Variants in OARD1 observed in about 807,000 individuals in gnomAD.
The protein encoded by OARD1 is O-acyl-ADP-ribose deacylase 1, also known as ADP-ribose glycohydrolase OARD1.
Under a neutral mutation model 19.7 loss-of-function variants are expected in OARD1, and 19 were observed. That is an observed-to-expected ratio of 0.96 (90% confidence interval 0.67 to 1.41). The LOEUF (loss-of-function observed/expected upper bound fraction) is 1.41, where lower values mean the gene tolerates loss of function less well. Among genes scored for constraint, OARD1 ranks in the 40% most tolerant of loss-of-function variants. The probability of loss-of-function intolerance (pLI) is 0.00; values close to 1 mark genes in which losing one functional copy is unlikely to be tolerated. For synonymous variants in OARD1, 70 were observed against 61.8 expected, an observed-to-expected ratio of 1.13 and a Z score of -0.62; for missense variants, 190 against 183.8, an observed-to-expected ratio of 1.03 and a Z score of -0.20.
chr6:41,070,960 G>A lies in OARD1; in HGVS notation c.184+172C>T, dbSNP rs1046777732. The A allele has an allele frequency of 2.6e-5, 17 of 657,978 alleles. No individual in the cohort carries two copies. The African/African-American group carries it at 2.7e-4, about 11-fold the overall frequency. 40.8% of individuals were successfully genotyped at this position (657,978 alleles called of 1,614,324 possible). On this transcript the variant is annotated intron_variant, in intron 3 of 5. Coordinates refer to ENST00000424266, the MANE Select transcript of OARD1 (RefSeq NM_001329686.2). Reference sequence around the variant, plus strand: ...GAAGAGATTAAAAACCTTCACAGGAGTTGGGTTTTGATATGGTAAACGTCT... The same window carrying A: ...GAAGAGATTAAAAACCTTCACAGGAATTGGGTTTTGATATGGTAAACGTCT...
At position 41,081,903 on chromosome 6, in the gene OARD1, G is replaced by GGCTAA. The variant is rs546011250; in HGVS notation, c.-41-10233_-41-10229dup. 4.0e-3 allele frequency among the ~76,000 whole-genome samples: 611 copies of GGCTAA among 152,308 alleles called. 11 individuals are homozygous for GGCTAA. In the South Asian group the frequency reaches 0.061, roughly 15 times the overall value. On this transcript the variant is annotated intron_variant, in intron 1 of 4. Coordinates refer to the OARD1 transcript ENST00000480585. Reference sequence around the variant, plus strand: ...AATACAGTTCTTTAGCATCGTGTATGGCTAAGTATCCTAAATTGGGTTCTA... The same window carrying GGCTAA: ...AATACAGTTCTTTAGCATCGTGTATGGCTAAGCTAAGTATCCTAAATTGGGTTCTA...
At chr6:41,079,172 A>G in intron 1 of OARD1, 1 of 1,613,932 alleles carries the variant, frequency 6.2e-7, no homozygotes, top group Non-Finnish European at 8.5e-7. Flanking sequence ...CAGGTATGGA[A>G]GCAAAACTGC....
chr6:41,078,699 T>C (rs1223636309), intron 1 of OARD1, among the ~76,000 whole-genome samples: 4 of 152,244 alleles, frequency 2.6e-5, no homozygotes, highest in Admixed American at 6.5e-5. Context: ...CTAAAGTATA[T>C]GTGCAAACCT....
At chr6:41,090,391 G>GT in intron 1 of OARD1, 1 of 759,942 alleles carries the variant, frequency 1.3e-6, no homozygotes, top group Non-Finnish European at 2.3e-6. Flanking sequence ...TAGAATTTGA[G>GT]TGGTGAACTT....
intron 1 of OARD1, chr6:41,090,061 G>A: frequency 1.7e-6 from 1 of 575,902 alleles, no homozygotes; most frequent in Non-Finnish European, 3.1e-6. Flanking sequence ...AGTGAGCTGA[G>A]ATTGCGCCAC....
chr6:41,086,251 TG>T (rs1375193780), intron 1 of OARD1, among the ~76,000 whole-genome samples: 1 of 152,184 alleles, frequency 6.6e-6, no homozygotes, highest in Non-Finnish European at 1.5e-5. Flanking sequence ...ATTCTGATCT[TG>T]GCCAAGTTAT....
At chr6:41,078,336 C>T (rs1318694285) in intron 1 of OARD1, among the ~76,000 whole-genome samples, 1 of 152,162 alleles carries the variant, frequency 6.6e-6, no homozygotes, top group Non-Finnish European at 1.5e-5. Flanking sequence ...TAATGAGCAG[C>T]TCAGTTAGGT....
chr6:41,084,262 T>G, intron 1 of OARD1: 1 of 1,522,430 alleles, frequency 6.6e-7, no homozygotes, highest in South Asian at 1.3e-5. Context: ...TATTACAACC[T>G]ATTTGATAAT....
intron 1 of OARD1, among the ~76,000 whole-genome samples, chr6:41,093,767 G>A (rs1202872060): frequency 7.2e-5 from 11 of 152,286 alleles, no homozygotes; most frequent in South Asian, 2.1e-4. Context: ...CACCATACCC[G>A]GCCAGGTACC....
At chr6:41,069,866 G>A (rs1763232632) in intron 4 of OARD1, 2 of 625,224 alleles carry the variant, frequency 3.2e-6, no homozygotes, top group African/African-American at 1.9e-5. Flanking sequence ...GAGCTGGGAT[G>A]CAGCCTCACA....
chr6:41,075,290 T>G (rs1195432864), upstream of OARD1: 1 of 152,226 alleles, frequency 6.6e-6, no homozygotes, highest in Non-Finnish European at 1.5e-5. Context: ...GCTCAAGCCA[T>G]CCTCCCTTCT....
intron 5 of OARD1, among the ~76,000 whole-genome samples, chr6:41,067,711 T>C (rs373106367): frequency 5.3e-5 from 8 of 152,330 alleles, no homozygotes; most frequent in African/African-American, 9.6e-5. Context: ...TGTGTAACTG[T>C]CATGACATTA....
chr6:41,083,993 A>C (rs996264936), intron 1 of OARD1: 11 of 1,506,456 alleles, frequency 7.3e-6, no homozygotes, highest in Non-Finnish European at 9.8e-6. Flanking sequence ...CTTTTGGTAA[A>C]AACCATTTTG....
chr6:41,079,074 C>T (rs1464106521), intron 1 of OARD1: 1 of 1,612,540 alleles, frequency 6.2e-7, no homozygotes, highest in African/African-American at 1.3e-5. Context: ...GGACAGGAAT[C>T]TCACTTGGAG....
At chr6:41,089,790 G>A (rs750521610) in intron 1 of OARD1, 84 of 1,538,080 alleles carry the variant, frequency 5.5e-5, no homozygotes, top group Non-Finnish European at 7.3e-5. Context: ...TTCATGTATA[G>A]CATGTATAGT....
At chr6:41,090,098 A>G (rs1159147863) in intron 1 of OARD1, 4 of 723,026 alleles carry the variant, frequency 5.5e-6, no homozygotes, top group East Asian at 5.7e-5. Context: ...CTGGCGACAG[A>G]GTGAGACTCT....
intron 1 of OARD1, among the ~76,000 whole-genome samples, chr6:41,092,419 C>T (rs759949159): frequency 3.3e-5 from 5 of 152,074 alleles, no homozygotes; most frequent in Non-Finnish European, 7.4e-5. Context: ...TTATTCAAAG[C>T]GGTTGTATTT....
intron 1 of OARD1, chr6:41,080,820 G>T (rs146924569): frequency 1.2e-6 from 2 of 1,613,396 alleles, no homozygotes; most frequent in Admixed American, 1.7e-5. Context: ...GCAGCAGGGT[G>T]GTGTCACTGC....
At chr6:41,097,131 T>C (rs561205158) in intron 1 of OARD1, among the ~76,000 whole-genome samples, 2 of 152,334 alleles carry the variant, frequency 1.3e-5, no homozygotes, top group African/African-American at 2.4e-5. Context: ...TGTTTCACCA[T>C]GGAGTGCAGG....
Sources: gnomAD v4.1 joint callset for allele counts (sites outside exome capture counted in the v4.1 genomes callset) on GRCh38, gnomAD v4.1.1 for gene constraint, MANE v1.5 for transcripts, NCBI Gene and HGNC (gene_info 2026-07-23, HGNC 2026-07-21) for gene names.